The following DNAH9 variants were observed in gnomAD, a reference collection of about 807,000 sequenced individuals.
DNAH9 encodes the protein DNAH9 variant protein.
A neutral mutation model predicts 471.6 loss-of-function variants in DNAH9; 345 were observed. The observed-to-expected ratio is 0.73, with a 90% CI of 0.67 to 0.80. The LOEUF (loss-of-function observed/expected upper bound fraction) is 0.80, where lower values mean the gene tolerates loss of function less well. Among genes scored for constraint, DNAH9 ranks in the 30% least tolerant of loss-of-function variants. DNAH9 has a pLI of 0.00. For synonymous variants in DNAH9, 2,093 were observed against 2,123.6 expected (o/e 0.99, Z 0.40); for missense variants, 5,407 against 5,609.2 (o/e 0.96, Z 1.15).
chr17:11,916,814 T>G (rs1973975775), intron 61 of DNAH9, among the ~76,000 whole-genome samples: 1 of 152,184 alleles, frequency 6.6e-6, no homozygotes, highest in South Asian at 2.1e-4. Flanking sequence ...AGATTCAGAT[T>G]CAAGATTTGT....
chr17:11,702,454 T>C (rs1475827780), intron 24 of DNAH9, among the ~76,000 whole-genome samples: 2 of 152,114 alleles, frequency 1.3e-5, no homozygotes, highest in Non-Finnish European at 2.9e-5. Context: ...ATCAAAGCCA[T>C]AGAGTAGATA....
chr17:11,690,347 A>G lies in DNAH9; in HGVS notation c.4525A>G (p.Ile1509Val), dbSNP rs778386334. The change falls in exon 20 of 69, where the codon ATC (isoleucine) becomes GTC (valine). Residue 1509 changes from isoleucine (I) to valine (V), a missense_variant. This residue lies in a region of DNAH9 where 4,636 missense variants were observed against 4,900.3 expected (regional missense o/e 0.95). Transcript: ENST00000262442. Reference protein sequence around the residue: ...QKKLSTVDAVISIWFEVQRTW... With the variant: ...QKKLSTVDAVVSIWFEVQRTW... ...GAAGCTGTCCACAGTGGACGCTGTC[A>G]TCTCTATCTGGTTTGAAGTGCAGCG... The G allele has an allele frequency of 3.3e-5, 53 of 1,614,144 alleles. No homozygotes were observed. Among genetic ancestry groups the G allele is most frequent in the Non-Finnish European group, 4.5e-5 (53 of 1,180,010 alleles).
At chr17:11,889,311 T>C (rs929458054) in intron 57 of DNAH9, among the ~76,000 whole-genome samples, 3 of 152,224 alleles carry the variant, frequency 2.0e-5, no homozygotes, top group African/African-American at 7.2e-5. Flanking sequence ...GGGCCTATTG[T>C]CCTGTTTTCT....
Position 11,668,350 on chromosome 17 carries a change from C to T in DNAH9, c.2732-714C>T, listed in dbSNP as rs147887164. Among the ~76,000 whole-genome samples the T allele has an allele frequency of 1.7e-3, 253 of 152,244 alleles. 1 individual carries two copies. The highest frequency in any genetic ancestry group is 5.8e-3 in the African/African-American group (242 of 41,542). ...GTGCCTAGGAAGAAATCAGCTGCTT[C>T]CAAGAAATGGGCTTTGAAAAATCAA... On this transcript the variant is annotated intron_variant, in intron 15 of 68. Coordinates refer to ENST00000262442, the MANE Select transcript of DNAH9 (RefSeq NM_001372.4).
At chr17:11,778,225 C>G (rs1262961127) in intron 38 of DNAH9, among the ~76,000 whole-genome samples, 1 of 146,154 alleles carries the variant, frequency 6.8e-6, no homozygotes, top group Non-Finnish European at 1.5e-5. Flanking sequence ...ACTCGGGAGG[C>G]TAAGGCAGGA....
At chr17:11,628,948 GA>G (rs1246312401) in intron 6 of DNAH9, among the ~76,000 whole-genome samples, 1 of 152,044 alleles carries the variant, frequency 6.6e-6, no homozygotes, top group Non-Finnish European at 1.5e-5. Flanking sequence ...GTTTAACCAA[GA>G]GTTATTTTTA....
In DNAH9 at chr17:11,793,590, G is replaced by A. The variant is rs944905336; in HGVS notation, c.8149G>A (p.Asp2717Asn). The A allele has an allele frequency of 6.2e-7, 1 of 1,613,942 alleles. No individual in the cohort carries two copies. The highest frequency in any genetic ancestry group is 1.7e-5 in the Admixed American group (1 of 60,006). The change falls in exon 42 of 69, where the codon GAT becomes AAT. Residue 2717 changes from aspartate to asparagine, a missense_variant. Coordinates refer to ENST00000262442, the MANE Select transcript of DNAH9 (RefSeq NM_001372.4). Reference sequence around the variant, plus strand: ...GCATGAATCAAATCGAGTTTATCGGGATAAGATGGTAGAAGAAAAGGACTT... The same window carrying A: ...GCATGAATCAAATCGAGTTTATCGGAATAAGATGGTAGAAGAAAAGGACTT... ...YLHESNRVYR[D>N]KMVEEKDFDL...
At chr17:11,698,163 T>A (rs1567728415) in intron 22 of DNAH9, among the ~76,000 whole-genome samples, 2 of 78,238 alleles carry the variant, frequency 2.6e-5, no homozygotes, top group African/African-American at 1.4e-4. Context: ...TATTAATATA[T>A]TATTATATTA....
chr17:11,893,746 C>A (rs1188767112), intron 58 of DNAH9, among the ~76,000 whole-genome samples: 1 of 152,076 alleles, frequency 6.6e-6, no homozygotes, highest in African/African-American at 2.4e-5. Flanking sequence ...AGCATTAGGA[C>A]AAATACCTAA....
chr17:11,822,503 T>G lies in DNAH9; in HGVS notation c.8916T>G (p.Ile2972Met). 1 of 1,614,168 alleles carries G rather than the reference T, an allele frequency of 6.2e-7. No individual in the cohort carries two copies. Among genetic ancestry groups the G allele is most frequent in the South Asian group, 1.1e-5 (1 of 91,080 alleles). Residue 2972 changes from isoleucine (I) to methionine (M), a missense_variant, in exon 47 of 69, where the codon ATT (isoleucine) becomes ATG (methionine). Transcript: ENST00000262442. ...LRVRSRKFPA[I>M]VNCTAIHWFH... ...TCCGCAGCAGGAAGTTCCCAGCCAT[T>G]GTGAACTGCACAGCCATCCACTGGT...
At chr17:11,641,308 T>C (rs1376131259) in intron 10 of DNAH9, among the ~76,000 whole-genome samples, 1 of 152,012 alleles carries the variant, frequency 6.6e-6, no homozygotes, top group Non-Finnish European at 1.5e-5. Flanking sequence ...CTCCTGACTG[T>C]TGGAGATAAG....
intron 59 of DNAH9, among the ~76,000 whole-genome samples, chr17:11,896,010 C>T (rs1973205818): frequency 6.6e-6 from 1 of 152,212 alleles, no homozygotes; most frequent in Admixed American, 6.5e-5. Context: ...CTTTAACCAA[C>T]TTTAGGACTG....
intron 10 of DNAH9, among the ~76,000 whole-genome samples, chr17:11,644,421 C>CA (rs999184832): frequency 3.3e-5 from 5 of 152,076 alleles, no homozygotes; most frequent in Non-Finnish European, 5.9e-5. Context: ...AGAGCTCTGA[C>CA]ACTTGCGGAG....
At position 11,617,602 on chromosome 17, in the gene DNAH9, T is replaced by G; in HGVS notation, c.1096T>G (p.Cys366Gly). The change falls in exon 5 of 69, where the codon TGC becomes GGC. Residue 366 changes from cysteine (C) to glycine (G), a missense_variant. Physicochemically the swap from Cys to Gly is radical, Grantham distance 159 (BLOSUM62 -3). Around this residue, in one of 3 missense-constraint regions of DNAH9, gnomAD observed 767 missense variants for 692.5 expected, o/e 1.11. Coordinates refer to ENST00000262442, the MANE Select transcript of DNAH9 (RefSeq NM_001372.4). Reference protein sequence around the residue: ...GRLTVLLQEICNLLIQQASNY... With the variant: ...GRLTVLLQEIGNLLIQQASNY... ...GCTGACTGTGCTGCTCCAGGAGATT[T>G]GCAACCTTCTCATCCAGCAGGTGGG... 4 of 1,614,080 alleles carry G rather than the reference T, an allele frequency of 2.5e-6. No individual in the cohort carries two copies. Among genetic ancestry groups the G allele is most frequent in the Non-Finnish European group, 3.4e-6 (4 of 1,180,020 alleles).
In DNAH9 at chr17:11,834,705, A is replaced by T. The variant is rs764965250; in HGVS notation, c.9314A>T (p.Asp3105Val). 1 of 1,614,116 alleles carries T rather than the reference A, an allele frequency of 6.2e-7. No homozygotes were observed. Among genetic ancestry groups the T allele is most frequent in the Non-Finnish European group, 8.5e-7 (1 of 1,179,998 alleles). The change falls in exon 49 of 69, where the codon GAC becomes GTC. Residue 3105 changes from aspartate (D) to valine (V), a missense_variant. This residue lies in a region of DNAH9 where 4,636 missense variants were observed against 4,900.3 expected (regional missense o/e 0.95). Transcript: ENST00000262442. ...CTGAAGCAGAAAAATGAAGATGCAG[A>T]CAAACTGATTCAGGTCGTGGGTGTG... ...VELKQKNEDA[D>V]KLIQVVGVET...
At chr17:11,774,190 C>T (rs1402431016) in intron 38 of DNAH9, among the ~76,000 whole-genome samples, 7 of 150,728 alleles carry the variant, frequency 4.6e-5, no homozygotes, top group Admixed American at 3.3e-4. Flanking sequence ...CCACCCCTGT[C>T]GCTCCTTTCT....
intron 41 of DNAH9, among the ~76,000 whole-genome samples, chr17:11,786,048 T>C (rs1968857514): frequency 6.6e-6 from 1 of 151,276 alleles, no homozygotes; most frequent in African/African-American, 2.4e-5. Flanking sequence ...ACTGCAGCTC[T>C]ATGAAGTGGG....
At chr17:11,952,191 G>T in intron 67 of DNAH9, among the ~76,000 whole-genome samples, 1 of 141,814 alleles carries the variant, frequency 7.1e-6, no homozygotes. Context: ...CCAGGCTGGA[G>T]TTCAGTGGCA....
intron 42 of DNAH9, among the ~76,000 whole-genome samples, chr17:11,797,314 C>T (rs1969279613): frequency 6.6e-6 from 1 of 152,176 alleles, no homozygotes; most frequent in South Asian, 2.1e-4. Flanking sequence ...CCATTCTTCT[C>T]ACAGAAGCAC....
Sources: gnomAD v4.1 joint callset for allele counts (sites outside exome capture counted in the v4.1 genomes callset) on GRCh38, gnomAD v4.1.1 for gene constraint, gnomAD v4.1.1 regional missense constraint, MANE v1.5 for transcripts, NCBI Gene and HGNC (gene_info 2026-07-23, HGNC 2026-07-21) for gene names.